GPC5: variants seen among roughly 807,000 people sequenced by gnomAD.
GPC5 encodes glypican 5.
A neutral mutation model predicts 53.9 loss-of-function variants in GPC5; 47 were observed. That is an observed-to-expected ratio of 0.87 (90% confidence interval 0.69 to 1.11). GPC5 has a LOEUF of 1.11. GPC5 is among the 50% of genes most tolerant of loss of function. The probability of loss-of-function intolerance (pLI) is 0.00; values close to 1 mark genes in which losing one functional copy is unlikely to be tolerated. For missense variants in GPC5, 748 were observed against 713.1 expected, an observed-to-expected ratio of 1.05 and a Z score of -0.56; for synonymous variants, 286 against 263.3, an observed-to-expected ratio of 1.09 and a Z score of -0.84.
chr13:92,609,609 C>G lies in GPC5; in HGVS notation c.1562-256673C>G, dbSNP rs1157666341. Among the ~76,000 whole-genome samples the G allele has an allele frequency of 2.0e-5, 3 of 152,222 alleles. No homozygotes were observed. In the East Asian group the frequency reaches 5.8e-4, roughly 29 times the overall value. ...AGTTTTATGCTCCTGCTGTGTTGAC[C>G]AGCTTTCATGCATGAAAACCTTATG... On this transcript the variant is annotated intron_variant, in intron 7 of 7. Coordinates refer to ENST00000377067, the MANE Select transcript of GPC5 (RefSeq NM_004466.6).
chr13:92,468,443 G>T (rs61973633), intron 7 of GPC5, among the ~76,000 whole-genome samples: 5,374 of 152,152 alleles, frequency 0.035, 130 homozygotes, highest in Middle Eastern at 0.11. Flanking sequence ...TTTCATTTCT[G>T]CTCATCTGTA....
At chr13:91,438,117 C>T (rs1360269337) in intron 1 of GPC5, among the ~76,000 whole-genome samples, 1 of 151,962 alleles carries the variant, frequency 6.6e-6, no homozygotes. Context: ...GAACTTCCTC[C>T]TTTAGCTTGG....
chr13:92,411,182 A>G (rs1049142296), intron 7 of GPC5, among the ~76,000 whole-genome samples: 22 of 152,218 alleles, frequency 1.4e-4, no homozygotes, highest in African/African-American at 5.1e-4. Flanking sequence ...AGGCAAGAGA[A>G]TCACTTGAGC....
In GPC5 at chr13:92,254,306, A is replaced by G. The variant is rs2042712040; in HGVS notation, c.1561+109317A>G. On this transcript the variant is annotated intron_variant, in intron 7 of 7. Coordinates refer to ENST00000377067, the MANE Select transcript of GPC5 (RefSeq NM_004466.6). ...TTTAAATAATTATACTCTATTCACT[A>G]ACGAATACATTAGGCATTCTCAAAA... 1.3e-5 allele frequency among the ~76,000 whole-genome samples: 2 copies of G among 152,156 alleles called. 1 individual carries two copies. The highest frequency in any genetic ancestry group is 1.3e-4 in the Admixed American group (2 of 15,248).
chr13:92,763,378 GT>G (rs1875268317), intron 7 of GPC5, among the ~76,000 whole-genome samples: 1 of 38,210 alleles, frequency 2.6e-5, no homozygotes, highest in African/African-American at 9.1e-5. Flanking sequence ...TTTGGTCAAT[GT>G]TTGTTAGCAT....
At chr13:91,490,683 T>C (rs1187583687) in intron 2 of GPC5, among the ~76,000 whole-genome samples, 1 of 152,200 alleles carries the variant, frequency 6.6e-6, no homozygotes, top group Non-Finnish European at 1.5e-5. Context: ...GAAGAAAAGA[T>C]GGATACACGT....
At chr13:92,233,629 AT>A (rs891349993) in intron 7 of GPC5, among the ~76,000 whole-genome samples, 12 of 151,900 alleles carry the variant, frequency 7.9e-5, no homozygotes, top group African/African-American at 1.7e-4. Context: ...ATGTTTGTTA[AT>A]TTTTTTTATG....
intron 3 of GPC5, chr13:91,725,008 G>A (rs567926858): frequency 6.6e-6 from 1 of 152,230 alleles, no homozygotes; most frequent in Admixed American, 6.5e-5. Context: ...GTGCACAGTT[G>A]GGGGAGGCTC....
chr13:91,963,281 G>T (rs148881787), intron 6 of GPC5, among the ~76,000 whole-genome samples: 2 of 152,268 alleles, frequency 1.3e-5, no homozygotes, highest in African/African-American at 4.8e-5. Flanking sequence ...TATATGGAAA[G>T]CAAGGTGACA....
At chr13:92,187,818 A>G (rs2042194725) in intron 7 of GPC5, among the ~76,000 whole-genome samples, 1 of 152,248 alleles carries the variant, frequency 6.6e-6, no homozygotes, top group African/African-American at 2.4e-5. Flanking sequence ...ATTAATTTCT[A>G]TCATCATTGT....
At chr13:91,617,425 G>C (rs536391468) in intron 2 of GPC5, among the ~76,000 whole-genome samples, 2 of 152,128 alleles carry the variant, frequency 1.3e-5, no homozygotes, top group Non-Finnish European at 2.9e-5. Context: ...GCCTGAACAG[G>C]CATAGCATGA....
chr13:92,240,152 A>C (rs1232250121), intron 7 of GPC5: 1 of 152,102 alleles, frequency 6.6e-6, no homozygotes, highest in Non-Finnish European at 1.5e-5. Context: ...CTGATGTTGT[A>C]GATTATATCT....
intron 7 of GPC5, among the ~76,000 whole-genome samples, chr13:92,372,937 CT>C (rs1274007788): frequency 6.6e-6 from 1 of 152,134 alleles, no homozygotes; most frequent in East Asian, 1.9e-4. Flanking sequence ...TTGTCTGCTC[CT>C]TGTTTTAAAG....
chr13:91,571,758 CATGTGTATGTGTATATACACACACAT>C (rs2031795081), intron 2 of GPC5, among the ~76,000 whole-genome samples: 5 of 94,168 alleles, frequency 5.3e-5, no homozygotes, highest in Non-Finnish European at 6.0e-5. Flanking sequence ...CACACATATA[CATGTGTATGTGTATATACACACACAT>C]ATACGTGTGT....
intron 7 of GPC5, among the ~76,000 whole-genome samples, chr13:92,829,478 A>G (rs968663927): frequency 1.3e-5 from 2 of 152,104 alleles, no homozygotes; most frequent in African/African-American, 4.8e-5. Flanking sequence ...TTAAATCTCA[A>G]ATTTATTATT....
intron 6 of GPC5, among the ~76,000 whole-genome samples, chr13:91,933,632 A>G (rs2039842999): frequency 6.6e-6 from 1 of 152,086 alleles, no homozygotes; most frequent in Non-Finnish European, 1.5e-5. Flanking sequence ...GGTATTAGCT[A>G]GGGAAGCTGT....
chr13:92,211,710 G>T (rs1056953446), intron 7 of GPC5, among the ~76,000 whole-genome samples: 2 of 152,146 alleles, frequency 1.3e-5, no homozygotes, highest in Non-Finnish European at 2.9e-5. Context: ...TGATTCTGAG[G>T]CACAAATTTG....
In GPC5 at chr13:91,491,909, TGATA is replaced by T. The variant is rs548525032; in HGVS notation, c.325+42992_325+42995del. Among the ~76,000 whole-genome samples the T allele has an allele frequency of 1.2e-3, 177 of 152,346 alleles. 1 individual carries two copies. Among genetic ancestry groups the T allele is most frequent in the African/African-American group, 4.1e-3 (170 of 41,578 alleles). Reference sequence around the variant, plus strand: ...AAATAAAGTCACGCTCACAGGTTCCTGATAGATATGTCTTTTTGGGAGACCACTG... The same window carrying T: ...AAATAAAGTCACGCTCACAGGTTCCTGATATGTCTTTTTGGGAGACCACTG... On this transcript the variant is annotated intron_variant, in intron 2 of 7. Transcript: ENST00000377067.
chr13:91,803,173 G>A (rs1473956119), intron 5 of GPC5, among the ~76,000 whole-genome samples: 1 of 151,962 alleles, frequency 6.6e-6, no homozygotes, highest in African/African-American at 2.4e-5. Context: ...TATATTATTG[G>A]TGAGAAATCA....
Sources: gnomAD v4.1 joint callset for allele counts (sites outside exome capture counted in the v4.1 genomes callset) on GRCh38, gnomAD v4.1.1 for gene constraint, MANE v1.5 for transcripts, NCBI Gene and HGNC (gene_info 2026-07-23, HGNC 2026-07-21) for gene names.